The following SNED1 variants were observed in gnomAD, a reference collection of about 807,000 sequenced individuals.
SNED1 encodes the protein sushi, nidogen and EGF like domains 1.
A neutral mutation model predicts 166.7 loss-of-function variants in SNED1; 81 were observed. The ratio of observed to expected loss-of-function variants is 0.49; its 90% confidence interval spans 0.41 to 0.58. SNED1 has a LOEUF of 0.58. Ranked by LOEUF, SNED1 falls within the 20% of genes least tolerant of loss-of-function variation. The probability of loss-of-function intolerance (pLI) is 0.00; values close to 1 mark genes in which losing one functional copy is unlikely to be tolerated. For missense variants in SNED1, 1,604 were observed against 2,000.2 expected, an observed-to-expected ratio of 0.80 and a Z score of 3.78; for synonymous variants, 762 against 822.0, an observed-to-expected ratio of 0.93 and a Z score of 1.25.
chr2:240,999,543 A>G lies in SNED1; in HGVS notation c.213+493A>G, dbSNP rs781229037. On this transcript the variant is annotated intron_variant, in intron 1 of 31. Coordinates refer to ENST00000310397, the MANE Select transcript of SNED1 (RefSeq NM_001080437.3). This position sits in a 1 kb window ranked among gnomAD's most constrained non-coding sequence, Gnocchi z 5.8. ...AGCCAGGAGGCTGGACCCCTTGCCC[A>G]GGCGCTCAGGGCAGGGCCTGCTTCT... Among the ~76,000 whole-genome samples, 4 of 152,192 alleles carry G rather than the reference A, an allele frequency of 2.6e-5. No homozygotes were observed. The highest frequency in any genetic ancestry group is 2.1e-4 in the South Asian group (1 of 4,830).
intron 1 of SNED1, among the ~76,000 whole-genome samples, chr2:241,006,481 T>G (rs1158150023): frequency 6.6e-6 from 1 of 152,234 alleles, no homozygotes; most frequent in Non-Finnish European, 1.5e-5. Flanking sequence ...ATGTTGAGGC[T>G]GTTGAGCCAG....
intron 1 of SNED1, among the ~76,000 whole-genome samples, chr2:241,007,155 A>G (rs2060243151): frequency 6.6e-6 from 1 of 152,242 alleles, no homozygotes; most frequent in Admixed American, 6.5e-5. Context: ...ATATGCTTAC[A>G]TGAGAGAATA....
intron 8 of SNED1, among the ~76,000 whole-genome samples, chr2:241,040,691 G>A (rs139282397): frequency 5.7e-3 from 862 of 152,302 alleles, no homozygotes; most frequent in Non-Finnish European, 8.6e-3. Flanking sequence ...CTGGGCCTTG[G>A]TTTCCATCTG....
upstream of SNED1, among the ~76,000 whole-genome samples, chr2:240,998,066 G>C (rs1028240864): frequency 6.6e-6 from 1 of 152,258 alleles, no homozygotes. Context: ...GGGTCGCCCC[G>C]AGGTCCCGAG....
At position 241,095,138 on chromosome 2, in the gene SNED1, T is replaced by G. The variant is rs1330199248; in HGVS notation, c.*3502T>G. The G allele has an allele frequency of 7.1e-6, 1 of 140,276 alleles. No homozygotes were observed. Among genetic ancestry groups the G allele is most frequent in the Non-Finnish European group, 1.5e-5 (1 of 64,880 alleles). 8.7% of individuals were successfully genotyped at this position (140,276 alleles called of 1,614,324 possible). A position where few individuals can be genotyped will look rare whatever the true frequency, so the allele number is the denominator to read the frequency against. On this transcript the variant is annotated 3_prime_UTR_variant, in exon 32 of 32. Coordinates refer to ENST00000310397, the MANE Select transcript of SNED1 (RefSeq NM_001080437.3). ...CCCTGGCTTCAGCCCACCTGCTCCA[T>G]GACCCTATGCTCTTCTCCTCTGGTT...
intron 1 of SNED1, among the ~76,000 whole-genome samples, chr2:241,021,300 C>T (rs1022885578): frequency 7.9e-5 from 12 of 152,222 alleles, no homozygotes; most frequent in African/African-American, 2.9e-4. Context: ...TGTTTATTCA[C>T]ACACCATGCA....
Position 241,094,713 on chromosome 2 carries a change from C to G in SNED1, c.*3077C>G. The G allele has an allele frequency of 3.8e-6, 1 of 266,090 alleles. No homozygotes were observed. Among genetic ancestry groups the G allele is most frequent in the South Asian group, 3.5e-5 (1 of 28,240 alleles). 16.5% of individuals were successfully genotyped at this position (266,090 alleles called of 1,614,324 possible). ...GGATCATCCTCTCTTGTGGGACCAT[C>G]CTGTGCACTGCAGGATGTTTCACAG... On this transcript the variant is annotated 3_prime_UTR_variant, in exon 32 of 32. Transcript: ENST00000310397. The surrounding 1 kb of genome is among the most constrained non-coding windows in gnomAD (Gnocchi z 4.3).
chr2:241,053,355 A>G (rs1441028580), intron 16 of SNED1, 29 bp downstream of exon 16: 2 of 1,537,246 alleles, frequency 1.3e-6, no homozygotes, highest in African/African-American at 1.4e-5. Flanking sequence ...GGGGTGGGGC[A>G]GGTGGGGCCC....
intron 26 of SNED1, 47 bp downstream of exon 26, chr2:241,071,925 C>G: frequency 7.1e-7 from 1 of 1,408,306 alleles, no homozygotes; most frequent in Non-Finnish European, 9.8e-7. Context: ...CACCCTCGTC[C>G]TCACTGCCAC....
In SNED1 at chr2:241,027,731, C is replaced by CTTTTTTTT. The variant is rs1293401106; in HGVS notation, c.214-2552_214-2551insTTTTTTTT. ...CTTCACCAACCCTTGTTATTTTCTT[C>CTTTTTTTT]TGTTTTTTTTTTTTTTTTTTAAGGT... On this transcript the variant is annotated intron_variant, in intron 1 of 31. Transcript: ENST00000310397. Among the ~76,000 whole-genome samples, 2 of 137,288 alleles carry CTTTTTTTT rather than the reference C, an allele frequency of 1.5e-5. 1 individual carries two copies. Among genetic ancestry groups the CTTTTTTTT allele is most frequent in the Non-Finnish European group, 3.1e-5 (2 of 64,328 alleles). 90.1% of individuals were successfully genotyped at this position (137,288 alleles called of 152,430 possible). A position where few individuals can be genotyped will look rare whatever the true frequency, so the allele number is the denominator to read the frequency against.
rs2062534415 is a variant in SNED1, at chr2:241,068,001, C to T, written c.3194+54C>T. Reference sequence around the variant, plus strand: ...TGGGGTGAAGGCAGGGGTGGGGGCTCGGGGACACGGGGCCCAGGTCTCGGG... The same window carrying T: ...TGGGGTGAAGGCAGGGGTGGGGGCTTGGGGACACGGGGCCCAGGTCTCGGG... On this transcript the variant is annotated intron_variant, in intron 22 of 31. Coordinates refer to ENST00000310397, the MANE Select transcript of SNED1 (RefSeq NM_001080437.3). This position sits in a 1 kb window ranked among gnomAD's most constrained non-coding sequence, Gnocchi z 5.3. The T allele has an allele frequency of 5.1e-6, 7 of 1,359,682 alleles. No individual in the cohort carries two copies. Among genetic ancestry groups the T allele is most frequent in the African/African-American group, 2.9e-5 (2 of 69,800 alleles). The allele number at this position is 1,359,682 out of a possible 1,614,324, so 84.2% of individuals were successfully genotyped here. A position where few individuals can be genotyped will look rare whatever the true frequency, so the allele number is the denominator to read the frequency against.
chr2:241,062,645 A>G (rs532890732), intron 16 of SNED1, 146 bp from the exon 17 acceptor site: 4 of 698,594 alleles, frequency 5.7e-6, no homozygotes, highest in Middle Eastern at 2.3e-4. Flanking sequence ...CCCGACTCCA[A>G]GGATATCCAG....
At chr2:241,012,705 A>C (rs2060448775) in intron 1 of SNED1, among the ~76,000 whole-genome samples, 1 of 152,184 alleles carries the variant, frequency 6.6e-6, no homozygotes, top group Admixed American at 6.5e-5. Context: ...CCAGAATCGC[A>C]TGAATCTATA....
Position 241,049,150 on chromosome 2 carries a change from G to T in SNED1, c.1618+15G>T. ...TGCCAGCCACTGTGAGTAGCTCGGG[G>T]ACGAGCCTGCTGGGCCGGGGGCCCG... On this transcript the variant is annotated intron_variant, in intron 11 of 31. Coordinates refer to ENST00000310397, the MANE Select transcript of SNED1 (RefSeq NM_001080437.3). The T allele has an allele frequency of 6.3e-7, 1 of 1,598,706 alleles. No individual in the cohort carries two copies. The highest frequency in any genetic ancestry group is 2.3e-5 in the East Asian group (1 of 44,334).
chr2:241,052,026 G>C lies in SNED1; in HGVS notation c.1853-15G>C. On this transcript the variant is annotated splice_polypyrimidine_tract_variant and intron_variant, in intron 13 of 31. Coordinates refer to ENST00000310397, the MANE Select transcript of SNED1 (RefSeq NM_001080437.3). ...GGGCAGTGGGCTGTGACCCTGACCTGGCTTCTGTTTCCAGGGAAGCCAGAC... is the reference window on the plus strand; with the variant it reads ...GGGCAGTGGGCTGTGACCCTGACCTCGCTTCTGTTTCCAGGGAAGCCAGAC... 1 of 1,611,340 alleles carries C rather than the reference G, an allele frequency of 6.2e-7. No homozygotes were observed. The highest frequency in any genetic ancestry group is 8.5e-7 in the Non-Finnish European group (1 of 1,177,846).
chr2:241,050,555 C>T (rs942103971), intron 12 of SNED1, among the ~76,000 whole-genome samples: 15 of 152,328 alleles, frequency 9.8e-5, no homozygotes, highest in Admixed American at 3.3e-4. Flanking sequence ...GAGCCTTCCA[C>T]GGCCCCTCCC....
At chr2:241,015,321 T>G (rs1339686545) in intron 1 of SNED1, among the ~76,000 whole-genome samples, 1 of 152,232 alleles carries the variant, frequency 6.6e-6, no homozygotes, top group African/African-American at 2.4e-5. Context: ...AGAGAAGTTT[T>G]GCACATCTTT....
chr2:241,089,838 G>A, intron 31 of SNED1: 1 of 1,376,860 alleles, frequency 7.3e-7, no homozygotes. Flanking sequence ...TAGGCTGTGT[G>A]GCAGAGCCCA....
chr2:241,008,304 G>T (rs920219436), intron 1 of SNED1, among the ~76,000 whole-genome samples: 4 of 152,222 alleles, frequency 2.6e-5, no homozygotes, highest in Non-Finnish European at 5.9e-5. Flanking sequence ...GGCTGCTCGT[G>T]GTGACCCGGG....
Sources: allele counts gnomAD v4.1 joint callset (sites outside exome capture counted in the v4.1 genomes callset), GRCh38; gene constraint gnomAD v4.1.1; non-coding constraint Gnocchi (gnomAD v3.1); transcripts MANE v1.5; gene names NCBI Gene and HGNC (gene_info 2026-07-23, HGNC 2026-07-21).